Variants in DPP10 observed in about 807,000 individuals in gnomAD.
The protein encoded by DPP10 is inactive dipeptidyl peptidase 10.
A neutral mutation model predicts 120.9 loss-of-function variants in DPP10; 33 were observed. The ratio of observed to expected loss-of-function variants is 0.27; its 90% CI spans 0.21 to 0.37. The LOEUF (loss-of-function observed/expected upper bound fraction) is 0.37, where lower values mean the gene tolerates loss of function less well. Among genes scored for constraint, DPP10 ranks in the 10% least tolerant of loss-of-function variants. The pLI, the probability that DPP10 is intolerant of heterozygous loss-of-function variation, is 1.00. For missense variants in DPP10, 816 were observed against 942.8 expected (o/e 0.87, Z 1.76); for synonymous variants, 337 against 326.1 (o/e 1.03, Z -0.36).
intron 5 of DPP10, among the ~76,000 whole-genome samples, chr2:115,612,616 C>G (rs2084193587): frequency 6.6e-6 from 1 of 152,102 alleles, no homozygotes. Flanking sequence ...ATATGCTTTG[C>G]AGGCAGACAT....
chr2:115,262,647 A>G (rs992403854), intron 1 of DPP10, among the ~76,000 whole-genome samples: 1 of 152,176 alleles, frequency 6.6e-6, no homozygotes, highest in African/African-American at 2.4e-5. Flanking sequence ...TTGCTTATGT[A>G]AAATTAAATA....
At chr2:114,559,891 C>CAAAAAAAAAAAAAAAAAAAAAAAAG (rs60833358) in intron 1 of DPP10, among the ~76,000 whole-genome samples, 1 of 65,954 alleles carries the variant, frequency 1.5e-5, no homozygotes, top group African/African-American at 4.9e-5. Flanking sequence ...AGAAAAAAAG[C>CAAAAAAAAAAAAAAAAAAAAAAAAG]AAAAAAAAAA....
intron 3 of DPP10, among the ~76,000 whole-genome samples, chr2:115,402,950 T>TGTAG (rs2068212943): frequency 1.5e-5 from 2 of 132,628 alleles, no homozygotes; most frequent in African/African-American, 7.0e-5. Flanking sequence ...TGTGTGTGTG[T>TGTAG]ATATATATAT....
intron 5 of DPP10, among the ~76,000 whole-genome samples, chr2:115,543,040 A>G (rs1294327940): frequency 2.0e-5 from 3 of 151,994 alleles, no homozygotes; most frequent in African/African-American, 4.8e-5. Context: ...CGGGAAGCAT[A>G]TATTCTATTA....
chr2:114,743,069 C>A (rs1319438478), intron 1 of DPP10, among the ~76,000 whole-genome samples: 1 of 152,208 alleles, frequency 6.6e-6, no homozygotes, highest in African/African-American at 2.4e-5. Context: ...AGAGAATCAA[C>A]TGAAATCCAT....
intron 19 of DPP10, among the ~76,000 whole-genome samples, chr2:115,801,760 G>A (rs946271914): frequency 3.2e-4 from 49 of 152,300 alleles, no homozygotes; most frequent in African/African-American, 1.1e-3. Flanking sequence ...TGTTGAACCA[G>A]CCTTGCATCC....
At chr2:115,139,019 T>G (rs1211901720) in intron 1 of DPP10, among the ~76,000 whole-genome samples, 1 of 152,190 alleles carries the variant, frequency 6.6e-6, no homozygotes, top group Non-Finnish European at 1.5e-5. Context: ...ATGTGATGCA[T>G]GCAGATTTAT....
chr2:114,761,192 C>A (rs1680250632), intron 1 of DPP10, among the ~76,000 whole-genome samples: 1 of 151,828 alleles, frequency 6.6e-6, no homozygotes, highest in South Asian at 2.1e-4. Flanking sequence ...GTACAGTATT[C>A]CAATGAGTGC....
At chr2:115,255,422 C>G (rs1038281625) in intron 1 of DPP10, among the ~76,000 whole-genome samples, 1 of 152,182 alleles carries the variant, frequency 6.6e-6, no homozygotes, top group Non-Finnish European at 1.5e-5. Context: ...GAGGGGCTGC[C>G]ACAGAGGTCT....
In DPP10 at chr2:115,379,543, T is replaced by C. The variant is rs546643268; in HGVS notation, c.271+35631T>C. ...GATTTTTTGAAGGGTTTTTTGTGTC[T>C]CTATTTCCTTCAGTTCTGCTCTGAT... On this transcript the variant is annotated intron_variant, in intron 3 of 25. Coordinates refer to ENST00000410059, the MANE Select transcript of DPP10 (RefSeq NM_020868.6). Among the ~76,000 whole-genome samples, 46 of 152,216 alleles carry C rather than the reference T, an allele frequency of 3.0e-4. No individual in the cohort carries two copies. In the East Asian group the frequency reaches 8.9e-3, roughly 29 times the overall value.
intron 1 of DPP10, among the ~76,000 whole-genome samples, chr2:114,795,770 A>G (rs1461727810): frequency 6.6e-6 from 1 of 152,222 alleles, no homozygotes; most frequent in Non-Finnish European, 1.5e-5. Context: ...TGAATGCATA[A>G]AATGTATGTA....
intron 1 of DPP10, among the ~76,000 whole-genome samples, chr2:115,132,235 T>C (rs1164609874): frequency 6.6e-6 from 1 of 152,034 alleles, no homozygotes; most frequent in Admixed American, 6.6e-5. Context: ...ATGACCAAGG[T>C]TTCTGTTATG....
intron 1 of DPP10, among the ~76,000 whole-genome samples, chr2:115,030,905 C>G (rs1703796776): frequency 6.6e-6 from 1 of 152,140 alleles, no homozygotes; most frequent in Non-Finnish European, 1.5e-5. Flanking sequence ...TGACCCATTA[C>G]TGGGTATATA....
chr2:114,887,607 G>A (rs192290218), intron 1 of DPP10, among the ~76,000 whole-genome samples: 46 of 152,276 alleles, frequency 3.0e-4, no homozygotes, highest in Admixed American at 3.0e-3. Flanking sequence ...TCCTTCATCT[G>A]TAAAACAGTG....
intron 1 of DPP10, among the ~76,000 whole-genome samples, chr2:114,881,461 A>G (rs375511956): frequency 1.6e-4 from 16 of 97,834 alleles, no homozygotes; most frequent in South Asian, 8.1e-4. Context: ...CTGTCTGTCT[A>G]TCTATCTATC....
At position 115,452,208 on chromosome 2, in the gene DPP10, T is replaced by C. The variant is rs779382851; in HGVS notation, c.272-47302T>C. On this transcript the variant is annotated intron_variant, in intron 3 of 25. Coordinates refer to ENST00000410059, the MANE Select transcript of DPP10 (RefSeq NM_020868.6). ...AATTGACATGCCTATGAGACTTCTG[T>C]TGGCCTACTTTGCTTAATCCTAAGA... is the stretch of plus-strand genomic sequence containing the variant. 2.6e-5 allele frequency among the ~76,000 whole-genome samples: 4 copies of C among 151,958 alleles called. 1 individual carries two copies. The highest frequency in any genetic ancestry group is 2.9e-5 in the Non-Finnish European group (2 of 67,906).
chr2:115,559,676 T>C (rs931621335), intron 5 of DPP10, among the ~76,000 whole-genome samples: 10 of 152,156 alleles, frequency 6.6e-5, no homozygotes, highest in African/African-American at 2.4e-4. Context: ...GTGTGAATCA[T>C]ACATTTATTT....
chr2:114,454,909 T>C (rs1293076589), intron 1 of DPP10, among the ~76,000 whole-genome samples: 1 of 152,220 alleles, frequency 6.6e-6, no homozygotes, highest in Non-Finnish European at 1.5e-5. Context: ...TTTGTCATTG[T>C]GACTTCAGTG....
At chr2:115,749,757 C>A (rs1007762735) in intron 10 of DPP10, among the ~76,000 whole-genome samples, 3 of 152,104 alleles carry the variant, frequency 2.0e-5, no homozygotes, top group African/African-American at 7.2e-5. Context: ...AGAAAATGAG[C>A]TCAAAGTAAC....
Sources: gnomAD v4.1 joint callset for allele counts (sites outside exome capture counted in the v4.1 genomes callset) on GRCh38, gnomAD v4.1.1 for gene constraint, MANE v1.5 for transcripts, NCBI Gene and HGNC (gene_info 2026-07-23, HGNC 2026-07-21) for gene names.